The following ABCC1 variants were observed in gnomAD, a reference collection of about 807,000 sequenced individuals.
The protein encoded by ABCC1 is multidrug resistance-associated protein 1.
In ABCC1, 83 loss-of-function variants were observed where a neutral mutation model predicts 172.9. That is an observed-to-expected ratio of 0.48 (90% confidence interval 0.40 to 0.58). The LOEUF (loss-of-function observed/expected upper bound fraction) is 0.58. Among genes scored for constraint, ABCC1 ranks in the 20% least tolerant of loss-of-function variants. ABCC1 has a pLI of 0.00. For missense variants in ABCC1, 1,817 were observed against 2,002.7 expected (o/e 0.91, Z 1.77); for synonymous variants, 937 against 825.2 (o/e 1.14, Z -2.32).
chr16:16,085,147 A>G lies in ABCC1; in HGVS notation c.2292+1605A>G, dbSNP rs111656307. Among the ~76,000 whole-genome samples the G allele has an allele frequency of 9.5e-3, 1,439 of 152,208 alleles. 13 individuals carry two copies. Among genetic ancestry groups the G allele is most frequent in the Non-Finnish European group, 0.014 (920 of 68,018 alleles). ...GTTACCTGCTCATTTTGTCATCTCT[A>G]AAAGGGCCATTCTCTGCCTCTCACC... is the stretch of plus-strand genomic sequence containing the variant. On this transcript the variant is annotated intron_variant, in intron 17 of 30. Transcript: ENST00000399410.
intron 28 of ABCC1, among the ~76,000 whole-genome samples, chr16:16,134,923 T>C (rs1389512699): frequency 2.0e-5 from 3 of 152,194 alleles, no homozygotes; most frequent in Non-Finnish European, 2.9e-5. Context: ...ATTACAGGCA[T>C]GAGGCACCGT....
At chr16:16,026,959 A>T (rs139099254) in intron 5 of ABCC1, among the ~76,000 whole-genome samples, 1 of 152,070 alleles carries the variant, frequency 6.6e-6, no homozygotes, top group African/African-American at 2.4e-5. Context: ...CTGTCTGTCA[A>T]TGTCCTTGTT....
chr16:16,109,714 C>T (rs1032255114), intron 21 of ABCC1, among the ~76,000 whole-genome samples: 2 of 152,126 alleles, frequency 1.3e-5, no homozygotes, highest in South Asian at 2.1e-4. Context: ...CCTCCTGGAG[C>T]GAACTGGGCA....
rs143983457 is a variant in ABCC1 at position 16,019,002 on chromosome 16, T to C, written c.615+2381T>C. ...GGGGCTCATGAGTCAGTGGCTGTTA[T>C]ATGTATTGTGTATCAGTGTGTGTAA... On this transcript the variant is annotated intron_variant, in intron 5 of 30. Transcript: ENST00000399410. Among the ~76,000 whole-genome samples the C allele has an allele frequency of 9.2e-5, 14 of 152,240 alleles. No homozygotes were observed. The East Asian group carries it at 1.4e-3, about 15-fold the overall frequency.
At chr16:16,055,561 G>A (rs893228915) in intron 11 of ABCC1, among the ~76,000 whole-genome samples, 2 of 141,078 alleles carry the variant, frequency 1.4e-5, no homozygotes, top group South Asian at 2.2e-4. Context: ...AAAAAAAAAA[G>A]AAAAAATACG....
chr16:16,104,993 C>G (rs529399503), intron 20 of ABCC1, among the ~76,000 whole-genome samples: 82 of 152,244 alleles, frequency 5.4e-4, no homozygotes, highest in African/African-American at 1.9e-3. Context: ...AGCTCCGGTT[C>G]CCTCCCGTTC....
At chr16:16,007,627 T>G (rs887854931) in intron 1 of ABCC1, among the ~76,000 whole-genome samples, 189 bp from the exon 2 acceptor site, 6 of 152,134 alleles carry the variant, frequency 3.9e-5, no homozygotes, top group Non-Finnish European at 5.9e-5. Flanking sequence ...CTTTATCCCT[T>G]GTTCCTCATT....
chr16:15,950,603 T>C (rs2045847927), intron 1 of ABCC1, among the ~76,000 whole-genome samples: 1 of 152,216 alleles, frequency 6.6e-6, no homozygotes, highest in Non-Finnish European at 1.5e-5. Flanking sequence ...ACTGGGTGTC[T>C]GGAGTCCACT....
At chr16:15,964,901 G>A (rs1219856367) in intron 1 of ABCC1, among the ~76,000 whole-genome samples, 2 of 152,154 alleles carry the variant, frequency 1.3e-5, no homozygotes, top group Non-Finnish European at 2.9e-5. Context: ...TTTTCAGTGT[G>A]TCTTTCTGAG....
At chr16:16,014,256 G>A (rs994995302) in intron 3 of ABCC1, among the ~76,000 whole-genome samples, 8 of 152,184 alleles carry the variant, frequency 5.3e-5, no homozygotes, top group Non-Finnish European at 8.8e-5. Flanking sequence ...GACCAGCCTG[G>A]CCAACGTGGT....
chr16:16,088,168 A>G (rs923915875), intron 18 of ABCC1, among the ~76,000 whole-genome samples: 5 of 151,916 alleles, frequency 3.3e-5, no homozygotes, highest in Non-Finnish European at 7.4e-5. Flanking sequence ...TATAAAGTAA[A>G]TAAAGCTGGG....
At chr16:15,964,927 C>T (rs536777780) in intron 1 of ABCC1, among the ~76,000 whole-genome samples, 1 of 152,090 alleles carries the variant, frequency 6.6e-6, no homozygotes. Flanking sequence ...TTTGGGTATG[C>T]CTGGACTAGT....
chr16:16,026,465 C>CTTTTTTTTTTT (rs1157942197), intron 5 of ABCC1, among the ~76,000 whole-genome samples: 8 of 95,496 alleles, frequency 8.4e-5, no homozygotes, highest in East Asian at 3.6e-4. Flanking sequence ...AGGCTATTTC[C>CTTTTTTTTTTT]TTTTTTTTTT....
chr16:16,136,489 GT>G lies in ABCC1; in HGVS notation c.4141del (p.Ser1381ArgfsTer6), dbSNP rs1284279848. The G allele has an allele frequency of 1.2e-6, 2 of 1,614,142 alleles. No homozygotes were observed. The highest frequency in any genetic ancestry group is 1.7e-6 in the Non-Finnish European group (2 of 1,180,032). On this transcript the variant is annotated frameshift_variant, in exon 29 of 31. Coordinates refer to ENST00000399410, the MANE Select transcript of ABCC1 (RefSeq NM_004996.4). LOFTEE classifies it high-confidence loss of function. ...ITIIPQDPVL[F>X]SGSLRMNLDP... ...TTCTCTCTGAACAGGACCCTGTTTT[GT>G]TTTCGGGTTCCCTCCGAATGAACCT...
At chr16:15,975,684 G>A (rs1345306769) in intron 1 of ABCC1, among the ~76,000 whole-genome samples, 1 of 151,820 alleles carries the variant, frequency 6.6e-6, no homozygotes, top group Admixed American at 6.6e-5. Context: ...AGCTTCCTGA[G>A]TAGCTGGGAT....
intron 20 of ABCC1, among the ~76,000 whole-genome samples, chr16:16,104,908 C>T (rs1393586309): frequency 6.6e-6 from 1 of 152,184 alleles, no homozygotes; most frequent in South Asian, 2.1e-4. Context: ...GCGGGGCTGC[C>T]CGGCAGCTCT....
rs73511860 is a variant in ABCC1 at position 15,970,533 on chromosome 16, C to G, written c.48+20734C>G. Among the ~76,000 whole-genome samples, 652 of 152,300 alleles carry G rather than the reference C, an allele frequency of 4.3e-3. 4 individuals carry two copies. Among genetic ancestry groups the G allele is most frequent in the African/African-American group, 0.015 (616 of 41,572 alleles). On this transcript the variant is annotated intron_variant, in intron 1 of 30. Transcript: ENST00000399410. ...GGCAAAAGCAGAAGGTAAGAATGTT[C>G]TGGGCAGTGGGAAATGCATGTGCAG...
chr16:15,959,637 T>C (rs1325793422), intron 1 of ABCC1, among the ~76,000 whole-genome samples: 3 of 152,206 alleles, frequency 2.0e-5, no homozygotes, highest in Admixed American at 2.0e-4. Flanking sequence ...AAAATGGCTT[T>C]CTTGAGAGAT....
chr16:16,098,507 T>G (rs2051580530), intron 19 of ABCC1, among the ~76,000 whole-genome samples: 1 of 152,166 alleles, frequency 6.6e-6, no homozygotes, highest in Non-Finnish European at 1.5e-5. Context: ...TAATCCCAGC[T>G]ATTTGGGAGG....
Sources: allele counts gnomAD v4.1 joint callset (sites outside exome capture counted in the v4.1 genomes callset), GRCh38; gene constraint gnomAD v4.1.1; transcripts MANE v1.5; gene names NCBI Gene and HGNC (gene_info 2026-07-23, HGNC 2026-07-21).